Variants in GRAMD2B observed in about 807,000 individuals in gnomAD.
The protein encoded by GRAMD2B is GRAM domain-containing protein 2B.
In GRAMD2B, 41 loss-of-function variants were observed where a neutral mutation model predicts 59.2. The ratio of observed to expected loss-of-function variants is 0.69; its 90% CI spans 0.54 to 0.90. GRAMD2B has a LOEUF of 0.90. GRAMD2B is among the 40% of genes least tolerant of loss of function. GRAMD2B has a pLI of 0.00. For synonymous variants in GRAMD2B, 161 were observed against 182.7 expected, an observed-to-expected ratio of 0.88 and a Z score of 0.96; for missense variants, 424 against 500.5, an observed-to-expected ratio of 0.85 and a Z score of 1.46.
intron 1 of GRAMD2B, among the ~76,000 whole-genome samples, chr5:126,401,645 T>C (rs908173231): frequency 1.6e-4 from 25 of 152,094 alleles, no homozygotes; most frequent in African/African-American, 5.8e-4. Context: ...GCAGGGCCTC[T>C]TAAATCTTTT....
At chr5:126,484,583 A>AG in intron 10 of GRAMD2B, 59 bp downstream of exon 10, 7 of 1,498,308 alleles carry the variant, frequency 4.7e-6, no homozygotes. Context: ...TCTGTTTGTA[A>AG]CTTTTTTTTT....
At chr5:126,369,291 T>C (rs1401616932), upstream of GRAMD2B, among the ~76,000 whole-genome samples, 1 of 152,194 alleles carries the variant, frequency 6.6e-6, no homozygotes, top group East Asian at 1.9e-4. Flanking sequence ...AATGAATGAA[T>C]GAATGAATGA....
chr5:126,465,287 C>A, intron 1 of GRAMD2B, 139 bp from the exon 2 acceptor site: 1 of 1,505,130 alleles, frequency 6.6e-7, no homozygotes. Flanking sequence ...GGGAAAGGGC[C>A]TCGCTGTCAA....
intron 5 of GRAMD2B, 78 bp from the exon 6 acceptor site, chr5:126,477,614 T>G: frequency 3.5e-6 from 3 of 861,698 alleles, no homozygotes; most frequent in South Asian, 1.4e-5. Flanking sequence ...CTTTTTTTTC[T>G]TTTTTCCTTA....
chr5:126,477,333 A>G (rs1770815421), intron 5 of GRAMD2B, among the ~76,000 whole-genome samples: 1 of 152,182 alleles, frequency 6.6e-6, no homozygotes, highest in Admixed American at 6.5e-5. Flanking sequence ...GGGCATGTGG[A>G]AGTTAGCCCA....
At position 126,423,487 on chromosome 5, in the gene GRAMD2B, G is replaced by A; in HGVS notation, c.-120G>A. ...CCCGGCCTGGATGCGCTGGGCGGAGGGTGCAGGGGAGGGCACGGCGCCGCT... is the reference window on the plus strand; with the variant it reads ...CCCGGCCTGGATGCGCTGGGCGGAGAGTGCAGGGGAGGGCACGGCGCCGCT... On this transcript the variant is annotated 5_prime_UTR_variant, in exon 1 of 14. Transcript: ENST00000285689. 1.4e-6 allele frequency: 2 copies of A among 1,464,454 alleles called. No individual in the cohort carries two copies. The highest frequency in any genetic ancestry group is 2.9e-5 in the East Asian group (1 of 35,078). 90.7% of individuals were successfully genotyped at this position (1,464,454 alleles called of 1,614,324 possible). A position where few individuals can be genotyped will look rare whatever the true frequency, so the allele number is the denominator to read the frequency against.
upstream of GRAMD2B, among the ~76,000 whole-genome samples, chr5:126,369,144 C>T (rs1754612575): frequency 1.3e-5 from 2 of 152,318 alleles, no homozygotes; most frequent in African/African-American, 4.8e-5. Flanking sequence ...TACTCCTTTC[C>T]CTTTCTGCCT....
chr5:126,387,717 C>T (rs939579629), intron 1 of GRAMD2B, among the ~76,000 whole-genome samples: 22 of 151,808 alleles, frequency 1.4e-4, no homozygotes, highest in African/African-American at 5.3e-4. Flanking sequence ...AAATTGTAAA[C>T]AGAATTTTGT....
rs1774252963 is a variant in GRAMD2B at position 126,493,301 on chromosome 5, TCCCGC to T, written c.*348_*352del. On this transcript the variant is annotated 3_prime_UTR_variant, in exon 14 of 14. Transcript: ENST00000285689. The stretch of plus-strand genomic sequence containing the variant: ...CTCCACCCTGTGCCTTTTTAGTCCT[TCCCGC>T]CCTCCTGCCTCTCCCTTACACCCCT... 3.9e-6 allele frequency: 1 copy of T among 258,200 alleles called. No homozygotes were observed. Among genetic ancestry groups the T allele is most frequent in the African/African-American group, 2.2e-5 (1 of 45,872 alleles). The allele number at this position is 258,200 out of a possible 1,614,324, so 16.0% of individuals were successfully genotyped here.
Position 126,441,884 on chromosome 5 carries a change from T to C in GRAMD2B, c.83+18195T>C, listed in dbSNP as rs147180104. On this transcript the variant is annotated intron_variant, in intron 1 of 13. Coordinates refer to ENST00000285689, the MANE Select transcript of GRAMD2B (RefSeq NM_023927.4). Reference sequence around the variant, plus strand: ...TGATAATTGTGACAACCTTAGATGGTCATAGGATTATATCTGCTGAAATCT... The same window carrying C: ...TGATAATTGTGACAACCTTAGATGGCCATAGGATTATATCTGCTGAAATCT... 2.2e-3 allele frequency among the ~76,000 whole-genome samples: 330 copies of C among 152,240 alleles called. 1 individual carries two copies. Among genetic ancestry groups the C allele is most frequent in the African/African-American group, 7.3e-3 (304 of 41,544 alleles).
intron 1 of GRAMD2B, chr5:126,465,067 G>C (rs115366067): frequency 1.9e-6 from 2 of 1,048,456 alleles, no homozygotes; most frequent in South Asian, 8.1e-5. Context: ...GAGGCCACAC[G>C]TGAGCGTGTG....
intron 2 of GRAMD2B, among the ~76,000 whole-genome samples, chr5:126,468,583 G>A (rs1768909219): frequency 6.6e-6 from 1 of 152,028 alleles, no homozygotes; most frequent in African/African-American, 2.4e-5. Context: ...TGCCTCCCGG[G>A]TTCAAGCGAT....
At chr5:126,422,355 C>T (rs1580883526), upstream of GRAMD2B, among the ~76,000 whole-genome samples, 1 of 152,282 alleles carries the variant, frequency 6.6e-6, no homozygotes, top group East Asian at 1.9e-4. Flanking sequence ...TGCGCCACCT[C>T]ACCCAGCTAA....
chr5:126,466,007 G>T (rs1561566945), intron 2 of GRAMD2B, among the ~76,000 whole-genome samples: 3 of 152,198 alleles, frequency 2.0e-5, no homozygotes. Flanking sequence ...CCGGAGGGGA[G>T]AGGTGGTTTT....
rs144034966 is a variant in GRAMD2B, at chr5:126,429,333, T to G, written c.83+5644T>G. Among the ~76,000 whole-genome samples, 704 of 152,232 alleles carry G rather than the reference T, an allele frequency of 4.6e-3. 5 individuals carry two copies. The highest frequency in any genetic ancestry group is 0.016 in the African/African-American group (677 of 41,542). On this transcript the variant is annotated intron_variant, in intron 1 of 13. Coordinates refer to ENST00000285689, the MANE Select transcript of GRAMD2B (RefSeq NM_023927.4). The stretch of plus-strand genomic sequence containing the variant: ...TCACTTATAAGTGGGAGCTAAATGA[T>G]GAGAACACATGGACACACAGAGGGG...
chr5:126,414,554 C>T (rs1343862632), intron 1 of GRAMD2B, among the ~76,000 whole-genome samples: 1 of 152,098 alleles, frequency 6.6e-6, no homozygotes, highest in South Asian at 2.1e-4. Flanking sequence ...CTTTGATCTC[C>T]TAGATTCAAG....
chr5:126,380,187 T>C (rs1168245826), intron 1 of GRAMD2B, among the ~76,000 whole-genome samples: 2 of 152,238 alleles, frequency 1.3e-5, no homozygotes, highest in African/African-American at 2.4e-5. Context: ...CTTTTTGTTT[T>C]GTTTGCCTTG....
intron 8 of GRAMD2B, 49 bp from the exon 9 acceptor site, chr5:126,483,414 G>A (rs1360511973): frequency 8.5e-7 from 1 of 1,182,046 alleles, no homozygotes; most frequent in East Asian, 2.3e-5. Flanking sequence ...AGGCCTGCCT[G>A]TTTACTAAGG....
At chr5:126,363,625 A>G (rs1448021376) in intron 1 of GRAMD2B, among the ~76,000 whole-genome samples, 1 of 152,252 alleles carries the variant, frequency 6.6e-6, no homozygotes, top group Non-Finnish European at 1.5e-5. Flanking sequence ...TGGTCACAAA[A>G]TGAGATGAAC....
Sources: gnomAD v4.1 joint callset for allele counts (sites outside exome capture counted in the v4.1 genomes callset) on GRCh38, gnomAD v4.1.1 for gene constraint, MANE v1.5 for transcripts, NCBI Gene and HGNC (gene_info 2026-07-23, HGNC 2026-07-21) for gene names.